Variants in CAMK4 observed in about 807,000 individuals in gnomAD.
The protein encoded by CAMK4 is calcium/calmodulin dependent protein kinase IV.
Under a neutral mutation model 44.9 loss-of-function variants are expected in CAMK4, and 22 were observed. The ratio of observed to expected loss-of-function variants is 0.49; its 90% CI spans 0.35 to 0.70. CAMK4 has a LOEUF of 0.70. CAMK4 is among the 30% of genes least tolerant of loss of function. CAMK4 has a pLI of 0.01. For missense variants in CAMK4, 498 were observed against 586.8 expected (o/e 0.85, Z 1.56); for synonymous variants, 218 against 215.4 (o/e 1.01, Z -0.11).
chr5:111,434,277 A>G (rs1753567316), intron 5 of CAMK4, among the ~76,000 whole-genome samples: 1 of 134,100 alleles, frequency 7.5e-6, no homozygotes, highest in Non-Finnish European at 1.6e-5. Context: ...TGGCTACATA[A>G]CGAGACTCTG....
intron 1 of CAMK4, among the ~76,000 whole-genome samples, chr5:111,252,459 C>T (rs1462775813): frequency 6.6e-6 from 1 of 152,148 alleles, no homozygotes; most frequent in African/African-American, 2.4e-5. Context: ...TACATATTTT[C>T]TATAGATCCT....
rs188054008 is a variant in CAMK4 at position 111,234,830 on chromosome 5, G to A, written c.161+10186G>A. ...TGAAAAAAGATAATGGATAGGACAC[G>A]TTCTTACCTGTTTTCTTTACAAGTT... On this transcript the variant is annotated intron_variant, in intron 1 of 10. Transcript: ENST00000282356. 2.2e-3 allele frequency among the ~76,000 whole-genome samples: 334 copies of A among 152,288 alleles called. 6 individuals carry two copies. Among genetic ancestry groups the A allele is most frequent in the African/African-American group, 7.6e-3 (315 of 41,554 alleles).
intron 1 of CAMK4, among the ~76,000 whole-genome samples, chr5:111,308,709 T>G (rs531188256): frequency 6.6e-6 from 1 of 152,340 alleles, no homozygotes; most frequent in African/African-American, 2.4e-5. Flanking sequence ...TAGAATCATT[T>G]ATGTTATGGA....
At chr5:111,247,694 TC>T (rs1401583172) in intron 1 of CAMK4, among the ~76,000 whole-genome samples, 1 of 152,112 alleles carries the variant, frequency 6.6e-6, no homozygotes, top group Non-Finnish European at 1.5e-5. Context: ...CTAAGGACTT[TC>T]AACTGGTTGG....
At chr5:111,452,129 A>T (rs527865117) in intron 7 of CAMK4, among the ~76,000 whole-genome samples, 1 of 152,354 alleles carries the variant, frequency 6.6e-6, no homozygotes, top group African/African-American at 2.4e-5. Flanking sequence ...CAAGTGAAGA[A>T]GTGGCCACAG....
chr5:111,443,279 TAC>T (rs60644060), intron 5 of CAMK4, among the ~76,000 whole-genome samples: 1,306 of 37,188 alleles, frequency 0.035, 18 homozygotes, highest in East Asian at 0.056. Flanking sequence ...TATATATATA[TAC>T]ACACACACAC....
intron 1 of CAMK4, among the ~76,000 whole-genome samples, chr5:111,240,923 C>G (rs1478908502): frequency 6.6e-6 from 1 of 152,182 alleles, no homozygotes; most frequent in African/African-American, 2.4e-5. Context: ...TACATTCCAA[C>G]TCTGGTACCT....
intron 1 of CAMK4, among the ~76,000 whole-genome samples, chr5:111,234,398 A>C (rs947050628): frequency 6.6e-6 from 1 of 152,194 alleles, no homozygotes; most frequent in African/African-American, 2.4e-5. Context: ...ATGAGAGTAA[A>C]GGAATACAGA....
At chr5:111,249,552 T>C (rs1749386419) in intron 1 of CAMK4, among the ~76,000 whole-genome samples, 1 of 151,252 alleles carries the variant, frequency 6.6e-6, no homozygotes, top group Non-Finnish European at 1.5e-5. Context: ...AAAGGCTGAC[T>C]ATGAAAATGA....
At chr5:111,374,328 A>G (rs1232531828) in intron 2 of CAMK4, among the ~76,000 whole-genome samples, 1 of 152,062 alleles carries the variant, frequency 6.6e-6, no homozygotes, top group African/African-American at 2.4e-5. Context: ...CTATTTCTTG[A>G]TTGTTTGAGC....
chr5:111,257,042 A>G (rs1035302769), intron 1 of CAMK4, among the ~76,000 whole-genome samples: 11 of 152,262 alleles, frequency 7.2e-5, no homozygotes, highest in Non-Finnish European at 1.3e-4. Context: ...CAAAACTGTA[A>G]AAACCCTAGA....
chr5:111,414,022 A>G (rs1752723831), intron 5 of CAMK4, among the ~76,000 whole-genome samples: 1 of 152,174 alleles, frequency 6.6e-6, no homozygotes, highest in Admixed American at 6.5e-5. Context: ...TAGCGAGAAC[A>G]CTATATATCA....
intron 5 of CAMK4, among the ~76,000 whole-genome samples, chr5:111,443,387 T>C (rs1753916562): frequency 6.8e-6 from 1 of 146,588 alleles, no homozygotes; most frequent in Non-Finnish European, 1.5e-5. Context: ...ATCATGACTT[T>C]TGATAATCTT....
At chr5:111,480,269 C>CACACACACAA (rs1396429159) in intron 9 of CAMK4, among the ~76,000 whole-genome samples, 1 of 150,750 alleles carries the variant, frequency 6.6e-6, no homozygotes, top group African/African-American at 2.4e-5. Context: ...CACACACACA[C>CACACACACAA]ACACACACAC....
At chr5:111,411,719 C>G (rs1752638963) in intron 5 of CAMK4, among the ~76,000 whole-genome samples, 1 of 152,126 alleles carries the variant, frequency 6.6e-6, no homozygotes. Flanking sequence ...AAAGAAGAAT[C>G]CACTTCTGTT....
intron 1 of CAMK4, among the ~76,000 whole-genome samples, chr5:111,305,819 CTTGA>C (rs1747910002): frequency 8.3e-6 from 1 of 120,514 alleles, no homozygotes; most frequent in African/African-American, 3.3e-5. Context: ...GACCAATATC[CTTGA>C]TGAACATTGA....
At chr5:111,329,575 A>C (rs1000507945) in intron 1 of CAMK4, among the ~76,000 whole-genome samples, 5 of 151,854 alleles carry the variant, frequency 3.3e-5, no homozygotes, top group African/African-American at 1.2e-4. Flanking sequence ...GCATAGGTAT[A>C]AAAGTCCTTT....
At chr5:111,379,436 G>A (rs1751333833) in intron 4 of CAMK4, among the ~76,000 whole-genome samples, 1 of 152,138 alleles carries the variant, frequency 6.6e-6, no homozygotes, top group African/African-American at 2.4e-5. Flanking sequence ...CATACAGCCA[G>A]TAAAGCACTC....
At chr5:111,453,514 A>AT (rs1477111431) in intron 7 of CAMK4, among the ~76,000 whole-genome samples, 1 of 152,156 alleles carries the variant, frequency 6.6e-6, no homozygotes, top group Non-Finnish European at 1.5e-5. Flanking sequence ...CATTTATAGA[A>AT]GGAGTTGGAA....
Sources: allele counts gnomAD v4.1 joint callset (sites outside exome capture counted in the v4.1 genomes callset), GRCh38; gene constraint gnomAD v4.1.1; transcripts MANE v1.5; gene names NCBI Gene and HGNC (gene_info 2026-07-23, HGNC 2026-07-21).